The following MAML2 variants were observed in gnomAD, a reference collection of about 807,000 sequenced individuals.
The protein encoded by MAML2 is mastermind like transcriptional coactivator 2.
A neutral mutation model predicts 96.1 loss-of-function variants in MAML2; 22 were observed. The ratio of observed to expected loss-of-function variants is 0.23; its 90% CI spans 0.16 to 0.33. The LOEUF (loss-of-function observed/expected upper bound fraction) is 0.33, where lower values mean the gene tolerates loss of function less well. Among genes scored for constraint, MAML2 ranks in the 10% least tolerant of loss-of-function variants. The pLI is 1.00. For synonymous variants in MAML2, 561 were observed against 521.3 expected (o/e 1.08, Z -1.04); for missense variants, 1,367 against 1,392.4 (o/e 0.98, Z 0.29).
At chr11:96,049,179 G>A (rs753481426) in intron 2 of MAML2, among the ~76,000 whole-genome samples, 1 of 152,194 alleles carries the variant, frequency 6.6e-6, no homozygotes, top group Non-Finnish European at 1.5e-5. Context: ...AAGATGAGCT[G>A]CAGGGTGGTG....
chr11:96,236,629 A>G (rs1489295462), intron 1 of MAML2, among the ~76,000 whole-genome samples: 1 of 152,206 alleles, frequency 6.6e-6, no homozygotes, highest in Non-Finnish European at 1.5e-5. Flanking sequence ...TAGATTTTAA[A>G]ACAGAAAGGA....
chr11:96,252,174 T>TAC (rs1491545323), intron 1 of MAML2, among the ~76,000 whole-genome samples: 5,526 of 150,108 alleles, frequency 0.037, 121 homozygotes, highest in South Asian at 0.064. Flanking sequence ...TCTCTCTCTC[T>TAC]ACACACACAC....
At chr11:96,314,839 G>A (rs961475292) in intron 1 of MAML2, among the ~76,000 whole-genome samples, 17 of 152,146 alleles carry the variant, frequency 1.1e-4, no homozygotes, top group African/African-American at 4.1e-4. Flanking sequence ...GGCAGGCATG[G>A]CTCCATCCCA....
intron 1 of MAML2, among the ~76,000 whole-genome samples, chr11:96,124,080 G>A (rs934922431): frequency 3.6e-5 from 4 of 112,170 alleles, no homozygotes; most frequent in African/African-American, 7.1e-5. Context: ...AACGAGCAAC[G>A]AGCAAAACTC....
At chr11:96,242,581 C>T (rs11021492) in intron 1 of MAML2, among the ~76,000 whole-genome samples, 1 of 151,704 alleles carries the variant, frequency 6.6e-6, no homozygotes, top group Non-Finnish European at 1.5e-5. Context: ...ACTTTAGTTT[C>T]TGCAGGCTGA....
At chr11:95,991,111 G>T (rs1255215407) in intron 3 of MAML2, among the ~76,000 whole-genome samples, 1 of 152,066 alleles carries the variant, frequency 6.6e-6, no homozygotes, top group African/African-American at 2.4e-5. Flanking sequence ...TGGTTTTGAG[G>T]CTCCATGTTG....
intron 1 of MAML2, among the ~76,000 whole-genome samples, chr11:96,194,934 CAATAGAT>C (rs769681591): frequency 6.6e-6 from 1 of 151,812 alleles, no homozygotes; most frequent in Non-Finnish European, 1.5e-5. Flanking sequence ...TTCTTAATGA[CAATAGAT>C]ACCATTCTTT....
At chr11:96,105,092 T>A (rs1657138112) in intron 1 of MAML2, among the ~76,000 whole-genome samples, 1 of 152,366 alleles carries the variant, frequency 6.6e-6, no homozygotes, top group East Asian at 1.9e-4. Context: ...GATAAATTCA[T>A]ATTTTTCTTG....
At chr11:96,325,893 G>T (rs1863769488) in intron 1 of MAML2, among the ~76,000 whole-genome samples, 1 of 152,218 alleles carries the variant, frequency 6.6e-6, no homozygotes, top group South Asian at 2.1e-4. Flanking sequence ...GCAGCCACGG[G>T]CACAGAAACC....
At chr11:96,190,675 A>T (rs1014705693) in intron 1 of MAML2, among the ~76,000 whole-genome samples, 1 of 152,254 alleles carries the variant, frequency 6.6e-6, no homozygotes, top group Non-Finnish European at 1.5e-5. Context: ...ACTATGAGCC[A>T]GCCCTAAAGA....
chr11:96,152,073 A>G (rs1025806624), intron 1 of MAML2, among the ~76,000 whole-genome samples: 9 of 152,186 alleles, frequency 5.9e-5, no homozygotes, highest in African/African-American at 1.4e-4. Flanking sequence ...TAATAAAAAT[A>G]TTAGCCAGAT....
chr11:96,077,064 A>G (rs1415868364), intron 2 of MAML2, among the ~76,000 whole-genome samples: 1 of 152,154 alleles, frequency 6.6e-6, no homozygotes, highest in East Asian at 1.9e-4. Context: ...TTCCTTCTGC[A>G]AACAGAAATG....
chr11:96,021,645 T>C (rs1016421200), intron 2 of MAML2, among the ~76,000 whole-genome samples: 9 of 152,248 alleles, frequency 5.9e-5, no homozygotes, highest in African/African-American at 2.2e-4. Context: ...CGGCTGGCAA[T>C]GTCCTGGTTG....
chr11:96,039,883 G>A (rs573300129), intron 2 of MAML2, among the ~76,000 whole-genome samples: 21 of 150,872 alleles, frequency 1.4e-4, no homozygotes, highest in South Asian at 4.2e-4. Flanking sequence ...GCGTGAACCC[G>A]GGAGGCGAAG....
chr11:96,232,448 G>C (rs529575823), intron 1 of MAML2, among the ~76,000 whole-genome samples: 157 of 150,194 alleles, frequency 1.0e-3, no homozygotes, highest in African/African-American at 3.6e-3. Context: ...TAGGATGTGG[G>C]TGGGTGGAAA....
At chr11:95,985,444 C>T (rs1857809911) in intron 4 of MAML2, 87 bp downstream of exon 4, 3 of 709,098 alleles carry the variant, frequency 4.2e-6, no homozygotes, top group East Asian at 2.8e-5. Flanking sequence ...ATATTATAAT[C>T]ATATGTGAGT....
chr11:96,257,010 A>G (rs1374756590), intron 1 of MAML2, among the ~76,000 whole-genome samples: 1 of 152,244 alleles, frequency 6.6e-6, no homozygotes, highest in Non-Finnish European at 1.5e-5. Flanking sequence ...CAGGAACTAT[A>G]TTGAAAACAG....
chr11:96,302,067 C>T (rs1863393962), intron 1 of MAML2, among the ~76,000 whole-genome samples: 1 of 152,182 alleles, frequency 6.6e-6, no homozygotes, highest in South Asian at 2.1e-4. Flanking sequence ...TACAAAAGCC[C>T]TATCAGTTCT....
chr11:96,039,754 GGCTAACATGGTGAAAC>G (rs1310712798), intron 2 of MAML2, among the ~76,000 whole-genome samples: 11 of 152,056 alleles, frequency 7.2e-5, no homozygotes, highest in Non-Finnish European at 8.8e-5. Context: ...AGACCATCCT[GGCTAACATGGTGAAAC>G]CCTAACACGG....
Sources: gnomAD v4.1 joint callset for allele counts (sites outside exome capture counted in the v4.1 genomes callset) on GRCh38, gnomAD v4.1.1 for gene constraint, MANE v1.5 for transcripts, NCBI Gene and HGNC (gene_info 2026-07-23, HGNC 2026-07-21) for gene names.